The following STIM2 variants were observed in gnomAD, a reference collection of about 807,000 sequenced individuals.
STIM2 encodes the protein stromal interaction molecule 2.
Under a neutral mutation model 85.8 loss-of-function variants are expected in STIM2, and 31 were observed. The ratio of observed to expected loss-of-function variants is 0.36; its 90% CI spans 0.27 to 0.49. The LOEUF (loss-of-function observed/expected upper bound fraction) is 0.49. Among genes scored for constraint, STIM2 ranks in the 20% least tolerant of loss-of-function variants. STIM2 has a pLI of 0.98. For missense variants in STIM2, 841 were observed against 927.6 expected, an observed-to-expected ratio of 0.91 and a Z score of 1.21; for synonymous variants, 356 against 331.1, an observed-to-expected ratio of 1.08 and a Z score of -0.82.
At chr4:26,895,993 C>T (rs930419850) in intron 1 of STIM2, among the ~76,000 whole-genome samples, 2 of 152,176 alleles carry the variant, frequency 1.3e-5, no homozygotes, top group African/African-American at 4.8e-5. Flanking sequence ...CAGATTCTCA[C>T]AAGGCTGAAA....
At chr4:26,955,895 T>C (rs1726222367) in intron 2 of STIM2, among the ~76,000 whole-genome samples, 1 of 152,192 alleles carries the variant, frequency 6.6e-6, no homozygotes, top group Admixed American at 6.5e-5. Context: ...ACATTGTTTC[T>C]TTATTTTGCT....
chr4:26,913,737 A>C (rs765517277), intron 1 of STIM2, among the ~76,000 whole-genome samples: 9 of 152,236 alleles, frequency 5.9e-5, no homozygotes, highest in Non-Finnish European at 1.3e-4. Flanking sequence ...CTATATTTAT[A>C]TTGAAAGTCC....
At position 26,972,456 on chromosome 4, in the gene STIM2, G is replaced by A. The variant is rs534313253; in HGVS notation, c.397+14730G>A. ...TTGAGAGTTTTTGGCATGAAGGGCT[G>A]TTGAGTTTTTTGAAGCCCTTTTCTT... On this transcript the variant is annotated intron_variant, in intron 3 of 11. Transcript: ENST00000467087. Among the ~76,000 whole-genome samples the A allele has an allele frequency of 2.6e-5, 4 of 152,250 alleles. No homozygotes were observed. In the South Asian group the frequency reaches 6.2e-4, roughly 24 times the overall value.
chr4:26,988,628 C>T (rs1319806272), intron 3 of STIM2, among the ~76,000 whole-genome samples: 2 of 152,134 alleles, frequency 1.3e-5, no homozygotes, highest in South Asian at 2.1e-4. Context: ...TGACCATTTA[C>T]GAATCTTTTA....
chr4:26,968,460 T>C (rs1726815302), intron 3 of STIM2, among the ~76,000 whole-genome samples: 1 of 152,148 alleles, frequency 6.6e-6, no homozygotes, highest in East Asian at 1.9e-4. Context: ...GTGAGGTACT[T>C]AGAGTAGTCA....
intron 10 of STIM2, among the ~76,000 whole-genome samples, chr4:27,014,953 A>G (rs1728686357): frequency 1.3e-5 from 2 of 151,952 alleles, no homozygotes; most frequent in Non-Finnish European, 2.9e-5. Flanking sequence ...TTAAGTTTAT[A>G]CTACCTGATA....
chr4:27,020,826 G>T (rs767337077), intron 11 of STIM2, among the ~76,000 whole-genome samples: 4 of 152,152 alleles, frequency 2.6e-5, no homozygotes, highest in Non-Finnish European at 5.9e-5. Flanking sequence ...GAGCTGCCAA[G>T]ACAAGTGAGA....
chr4:26,999,013 A>G (rs1331149243), intron 4 of STIM2, among the ~76,000 whole-genome samples: 1 of 152,140 alleles, frequency 6.6e-6, no homozygotes, highest in African/African-American at 2.4e-5. Context: ...TGTAGCTACT[A>G]AATTATTAAC....
At chr4:26,872,587 A>C (rs1722666349) in intron 1 of STIM2, among the ~76,000 whole-genome samples, 1 of 152,220 alleles carries the variant, frequency 6.6e-6, no homozygotes, top group African/African-American at 2.4e-5. Context: ...TAATAGGCTC[A>C]TAGAGTGATT....
At chr4:26,931,616 C>A (rs958919678) in intron 2 of STIM2, among the ~76,000 whole-genome samples, 6 of 152,144 alleles carry the variant, frequency 3.9e-5, no homozygotes, top group Non-Finnish European at 8.8e-5. Flanking sequence ...ACTCTAATTA[C>A]ATGCACAAAT....
At chr4:26,988,682 A>G (rs913387281) in intron 3 of STIM2, among the ~76,000 whole-genome samples, 11 of 152,234 alleles carry the variant, frequency 7.2e-5, no homozygotes, top group Non-Finnish European at 4.4e-5. Context: ...TAGATTCAAT[A>G]TGATGATAAA....
chr4:26,861,022 G>T lies in STIM2; in HGVS notation c.-197G>T. On this transcript the variant is annotated 5_prime_UTR_variant, in exon 1 of 12. Transcript: ENST00000467087. ...GCCGATGGGACCAGGCTGGCGCCCG[G>T]CGGGAGCCCGTGTCTGAGGCGGCGG... The T allele has an allele frequency of 8.0e-7, 1 of 1,242,972 alleles. No individual in the cohort carries two copies. The highest frequency in any genetic ancestry group is 1.0e-6 in the Non-Finnish European group (1 of 986,208). 77.0% of individuals were successfully genotyped at this position (1,242,972 alleles called of 1,614,324 possible).
chr4:27,018,868 A>T (rs1005434532), intron 11 of STIM2, among the ~76,000 whole-genome samples: 1 of 152,222 alleles, frequency 6.6e-6, no homozygotes, highest in African/African-American at 2.4e-5. Context: ...TCACTTAATG[A>T]TTTATTCTGT....
intron 2 of STIM2, among the ~76,000 whole-genome samples, chr4:26,946,334 A>G (rs900781105): frequency 6.6e-6 from 1 of 152,236 alleles, no homozygotes; most frequent in African/African-American, 2.4e-5. Flanking sequence ...TTAGAAGAAA[A>G]TATAGGTGAT....
Position 26,885,867 on chromosome 4 carries a change from ATATATATG to A in STIM2, c.151+24504_151+24511del, listed in dbSNP as rs1560194717. Among the ~76,000 whole-genome samples the A allele has an allele frequency of 1.2e-4, 14 of 112,542 alleles. 1 individual carries two copies. Among genetic ancestry groups the A allele is most frequent in the African/African-American group, 4.4e-4 (13 of 29,346 alleles). 73.8% of individuals were successfully genotyped at this position (112,542 alleles called of 152,430 possible). A position where few individuals can be genotyped will look rare whatever the true frequency, so the allele number is the denominator to read the frequency against. On this transcript the variant is annotated intron_variant, in intron 1 of 11. Transcript: ENST00000467087. ...TATATATATATATATATATATATATATATATATGTATATGTCTATTCATGTAAATATGC... is the reference window on the plus strand; with the variant it reads ...TATATATATATATATATATATATATATATATGTCTATTCATGTAAATATGC...
chr4:26,895,890 A>G (rs972531688), intron 1 of STIM2, among the ~76,000 whole-genome samples: 5 of 152,320 alleles, frequency 3.3e-5, no homozygotes, highest in African/African-American at 9.6e-5. Flanking sequence ...CTGCATAATG[A>G]ATTACCATAC....
chr4:26,873,368 C>T (rs1722699004), intron 1 of STIM2, among the ~76,000 whole-genome samples: 1 of 151,818 alleles, frequency 6.6e-6, no homozygotes, highest in Non-Finnish European at 1.5e-5. Context: ...GCACTCCACT[C>T]CAGCCTGGGT....
At chr4:26,970,755 C>T (rs1444655791) in intron 3 of STIM2, among the ~76,000 whole-genome samples, 1 of 152,124 alleles carries the variant, frequency 6.6e-6, no homozygotes, top group Non-Finnish European at 1.5e-5. Flanking sequence ...TGGGTATATA[C>T]CCAGTAATGG....
At chr4:26,904,257 TA>T (rs1416563677) in intron 1 of STIM2, among the ~76,000 whole-genome samples, 1 of 152,078 alleles carries the variant, frequency 6.6e-6, no homozygotes, top group Non-Finnish European at 1.5e-5. Flanking sequence ...TTTTGTTTTT[TA>T]AACATTTTTT....
Sources: gnomAD v4.1 joint callset for allele counts (sites outside exome capture counted in the v4.1 genomes callset) on GRCh38, gnomAD v4.1.1 for gene constraint, MANE v1.5 for transcripts, NCBI Gene and HGNC (gene_info 2026-07-23, HGNC 2026-07-21) for gene names.